Variants in ANKS1B observed in about 807,000 individuals in gnomAD.
ANKS1B encodes ankyrin repeat and sterile alpha motif domain-containing protein 1B.
In ANKS1B, 36 loss-of-function variants were observed where a neutral mutation model predicts 148.3. The ratio of observed to expected loss-of-function variants is 0.24; its 90% confidence interval spans 0.19 to 0.32. The LOEUF (loss-of-function observed/expected upper bound fraction) is 0.32. Ranked by LOEUF, ANKS1B falls within the 10% of genes least tolerant of loss-of-function variation. The pLI, the probability that ANKS1B is intolerant of heterozygous loss-of-function variation, is 1.00. For synonymous variants in ANKS1B, 542 were observed against 560.8 expected, an observed-to-expected ratio of 0.97 and a Z score of 0.47; for missense variants, 1,157 against 1,542.6, an observed-to-expected ratio of 0.75 and a Z score of 4.19.
intron 17 of ANKS1B, among the ~76,000 whole-genome samples, chr12:99,014,250 C>G (rs2099941118): frequency 6.6e-6 from 1 of 152,024 alleles, no homozygotes. Flanking sequence ...TTCGACAAAC[C>G]TGACAAAAAC....
At chr12:99,396,810 C>T (rs2094259252) in intron 12 of ANKS1B, among the ~76,000 whole-genome samples, 1 of 152,048 alleles carries the variant, frequency 6.6e-6, no homozygotes, top group South Asian at 2.1e-4. Context: ...TTGTTGAAAA[C>T]CGATTCTTAC....
chr12:98,861,959 T>G (rs1268683676), intron 17 of ANKS1B, among the ~76,000 whole-genome samples: 1 of 147,368 alleles, frequency 6.8e-6, no homozygotes, highest in East Asian at 1.9e-4. Flanking sequence ...GACAGATGAG[T>G]TTTTTTTTAC....
At chr12:99,213,019 C>G (rs1194807434) in intron 14 of ANKS1B, among the ~76,000 whole-genome samples, 2 of 152,190 alleles carry the variant, frequency 1.3e-5, no homozygotes, top group East Asian at 3.8e-4. Context: ...CAGTCTGGCT[C>G]CAAATCTAGC....
chr12:99,783,912 T>C (rs1227653389), intron 4 of ANKS1B, among the ~76,000 whole-genome samples: 2 of 152,178 alleles, frequency 1.3e-5, no homozygotes, highest in Non-Finnish European at 2.9e-5. Flanking sequence ...GGCAAATGTT[T>C]AAGGTGATAG....
chr12:99,520,939 G>C (rs544375087), intron 9 of ANKS1B, among the ~76,000 whole-genome samples: 9 of 152,162 alleles, frequency 5.9e-5, no homozygotes, highest in African/African-American at 1.9e-4. Context: ...GGGATTACAG[G>C]TGCCCACCAC....
chr12:99,977,708 A>C (rs2095646228), intron 1 of ANKS1B, among the ~76,000 whole-genome samples: 1 of 152,210 alleles, frequency 6.6e-6, no homozygotes, highest in African/African-American at 2.4e-5. Flanking sequence ...AAATTCAATG[A>C]GTTTTCAACT....
chr12:99,225,762 G>A (rs925119300), intron 14 of ANKS1B, among the ~76,000 whole-genome samples: 4 of 152,228 alleles, frequency 2.6e-5, no homozygotes, highest in African/African-American at 9.6e-5. Context: ...TGGGCCTTCG[G>A]CCACAGACTG....
chr12:99,748,980 A>G (rs1365497792), intron 8 of ANKS1B, among the ~76,000 whole-genome samples: 1 of 152,116 alleles, frequency 6.6e-6, no homozygotes, highest in Non-Finnish European at 1.5e-5. Flanking sequence ...CAATCATCTG[A>G]TATAGACACT....
chr12:99,276,767 C>G (rs147864347), intron 12 of ANKS1B, among the ~76,000 whole-genome samples: 9 of 152,288 alleles, frequency 5.9e-5, no homozygotes, highest in African/African-American at 2.2e-4. Flanking sequence ...TCACACTGTG[C>G]CTGCCATTTT....
At chr12:99,822,245 A>C (rs1041949120) in intron 2 of ANKS1B, among the ~76,000 whole-genome samples, 3 of 152,148 alleles carry the variant, frequency 2.0e-5, no homozygotes, top group Non-Finnish European at 2.9e-5. Flanking sequence ...GAATAAAAGA[A>C]ATGTTAGGTG....
At chr12:99,054,592 G>A (rs1242870144) in intron 16 of ANKS1B, among the ~76,000 whole-genome samples, 1 of 152,100 alleles carries the variant, frequency 6.6e-6, no homozygotes, top group East Asian at 1.9e-4. Context: ...AGGCTGGAGT[G>A]CAGTGGTGTG....
intron 1 of ANKS1B, among the ~76,000 whole-genome samples, chr12:99,893,124 C>T (rs1033976800): frequency 1.1e-4 from 17 of 151,808 alleles, no homozygotes; most frequent in African/African-American, 4.1e-4. Context: ...AAATTGAGAA[C>T]TATAGGCCGG....
intron 10 of ANKS1B, among the ~76,000 whole-genome samples, chr12:99,483,562 T>C (rs956127593): frequency 3.9e-5 from 6 of 151,978 alleles, no homozygotes; most frequent in African/African-American, 1.4e-4. Flanking sequence ...GAAGTTTCAG[T>C]AGGATTGGTA....
At chr12:98,928,487 A>G (rs547406697) in intron 17 of ANKS1B, among the ~76,000 whole-genome samples, 1 of 150,860 alleles carries the variant, frequency 6.6e-6, no homozygotes, top group East Asian at 1.9e-4. Context: ...AAGAAAATAA[A>G]ATTAAAGATC....
chr12:99,088,851 T>TTG (rs778747507), intron 15 of ANKS1B, among the ~76,000 whole-genome samples: 47 of 139,882 alleles, frequency 3.4e-4, no homozygotes, highest in Non-Finnish European at 6.2e-4. Context: ...TTTTTTTTTT[T>TTG]TTTTTTTTTT....
chr12:99,300,610 A>C (rs987439420), intron 12 of ANKS1B, among the ~76,000 whole-genome samples: 4 of 152,202 alleles, frequency 2.6e-5, no homozygotes, highest in African/African-American at 9.6e-5. Context: ...GGAACTAGAG[A>C]CTAATAAAAG....
At position 99,353,462 on chromosome 12, in the gene ANKS1B, C is replaced by T. The variant is rs2091657307; in HGVS notation, c.1756+46169G>A. ...AAAAACCACAATAAGATACCCAGGT[C>T]ATATCAAATTAAATTCAATCTCTTC... On this transcript the variant is annotated intron_variant, in intron 12 of 26. Transcript: ENST00000683438. 2.0e-5 allele frequency among the ~76,000 whole-genome samples: 3 copies of T among 152,134 alleles called. No individual in the cohort carries two copies. The South Asian group carries it at 6.2e-4, about 32-fold the overall frequency.
chr12:99,086,936 G>C (rs2052069192), intron 15 of ANKS1B, among the ~76,000 whole-genome samples: 1 of 152,252 alleles, frequency 6.6e-6, no homozygotes, highest in East Asian at 1.9e-4. Context: ...GGTGATTCTG[G>C]GGCATGGAGA....
chr12:98,754,926 G>A (rs1382119170), intron 25 of ANKS1B, among the ~76,000 whole-genome samples: 1 of 152,150 alleles, frequency 6.6e-6, no homozygotes, highest in Admixed American at 6.5e-5. Context: ...TTCTTGCTTT[G>A]GTTTTATTTT....
Sources: gnomAD v4.1 joint callset for allele counts (sites outside exome capture counted in the v4.1 genomes callset) on GRCh38, gnomAD v4.1.1 for gene constraint, MANE v1.5 for transcripts, NCBI Gene and HGNC (gene_info 2026-07-23, HGNC 2026-07-21) for gene names.